Variants in LMNB2 observed in about 807,000 individuals in gnomAD.
LMNB2 encodes lamin B2.
LMNB2 carries 17 observed loss-of-function variants against 69.3 expected under a neutral mutation model. The observed-to-expected ratio is 0.25, with a 90% CI of 0.17 to 0.37. The LOEUF is 0.37. Among genes scored for constraint, LMNB2 ranks in the 10% least tolerant of loss-of-function variants. The pLI is 1.00. For missense variants in LMNB2, 789 were observed against 883.6 expected (o/e 0.89, Z 1.36); for synonymous variants, 397 against 389.3 (o/e 1.02, Z -0.23).
Position 2,430,380 on chromosome 19 carries a change from G to A in LMNB2, c.*531C>T. Reference sequence around the variant, plus strand: ...GCCCTGGGGGCCACGCCATCCCCATGCTGGCCCACACCCGCTGCGTGGCTG... The same window carrying A: ...GCCCTGGGGGCCACGCCATCCCCATACTGGCCCACACCCGCTGCGTGGCTG... On this transcript the variant is annotated 3_prime_UTR_variant, in exon 12 of 12. Coordinates refer to ENST00000325327, the MANE Select transcript of LMNB2 (RefSeq NM_032737.4). 5.3e-6 allele frequency: 1 copy of A among 186,926 alleles called. No homozygotes were observed. The highest frequency in any genetic ancestry group is 1.0e-4 in the South Asian group (1 of 9,998). The allele number at this position is 186,926 out of a possible 1,614,324, so 11.6% of individuals were successfully genotyped here.
intron 2 of LMNB2, among the ~76,000 whole-genome samples, chr19:2,440,480 G>A (rs895693280): frequency 3.3e-5 from 5 of 152,118 alleles, no homozygotes; most frequent in Admixed American, 6.6e-5. Flanking sequence ...ATGAGCCACC[G>A]CACCCAGCCT....
chr19:2,438,058 A>T, intron 4 of LMNB2, 105 bp downstream of exon 4: 1 of 1,551,812 alleles, frequency 6.4e-7, no homozygotes, highest in Non-Finnish European at 8.8e-7. Flanking sequence ...GAGCCGTGGG[A>T]GGGACCCCGG....
intron 1 of LMNB2, among the ~76,000 whole-genome samples, chr19:2,456,377 T>G (rs1972088910): frequency 6.7e-6 from 1 of 149,364 alleles, no homozygotes; most frequent in Non-Finnish European, 1.5e-5. Flanking sequence ...GGGCGGGGCC[T>G]GGCCGAACTG....
chr19:2,456,214 G>C (rs1269040907), intron 1 of LMNB2, among the ~76,000 whole-genome samples: 1 of 150,226 alleles, frequency 6.7e-6, no homozygotes, highest in Non-Finnish European at 1.5e-5. Context: ...CCCAGCTCAG[G>C]GTTCCCCGCG....
rs1163370560 is a variant in LMNB2, at chr19:2,446,284, G to A, written c.265-1744C>T. 7.9e-5 allele frequency among the ~76,000 whole-genome samples: 12 copies of A among 151,530 alleles called. 1 individual carries two copies. The highest frequency in any genetic ancestry group is 2.9e-5 in the Non-Finnish European group (2 of 67,896). On this transcript the variant is annotated intron_variant, in intron 1 of 11. Coordinates refer to ENST00000325327, the MANE Select transcript of LMNB2 (RefSeq NM_032737.4). ...CAAGGACATGGGGAGGGGCTGGAGA[G>A]CCAGGGGTCACCAGGGCAGGCAGAA...
Position 2,429,602 on chromosome 19 carries a change from G to A in LMNB2, c.*1309C>T, listed in dbSNP as rs573841374. The A allele has an allele frequency of 6.6e-6, 1 of 152,372 alleles. No homozygotes were observed. The highest frequency in any genetic ancestry group is 2.1e-4 in the South Asian group (1 of 4,822). 9.4% of individuals were successfully genotyped at this position (152,372 alleles called of 1,614,324 possible). A position where few individuals can be genotyped will look rare whatever the true frequency, so the allele number is the denominator to read the frequency against. Reference sequence around the variant, plus strand: ...CCTGCAGTGAACGCCATGGCCCGGAGACGGCGCGTGCCCATGGCTCAGTTT... The same window carrying A: ...CCTGCAGTGAACGCCATGGCCCGGAAACGGCGCGTGCCCATGGCTCAGTTT... On this transcript the variant is annotated 3_prime_UTR_variant, in exon 12 of 12. Coordinates refer to ENST00000325327, the MANE Select transcript of LMNB2 (RefSeq NM_032737.4).
At chr19:2,431,455 G>C (rs1013120716) in intron 11 of LMNB2, 93 bp downstream of exon 11, 4 of 1,546,646 alleles carry the variant, frequency 2.6e-6, no homozygotes, top group Non-Finnish European at 2.7e-6. Context: ...GCTCCCGTCG[G>C]GGATGCGGCC....
Position 2,430,879 on chromosome 19 carries a change from TA to T in LMNB2, c.*31del. 7.0e-7 allele frequency: 1 copy of T among 1,419,196 alleles called. No individual in the cohort carries two copies. The highest frequency in any genetic ancestry group is 1.0e-6 in the Non-Finnish European group (1 of 1,002,208). The allele number at this position is 1,419,196 out of a possible 1,614,324, so 87.9% of individuals were successfully genotyped here. A position where few individuals can be genotyped will look rare whatever the true frequency, so the allele number is the denominator to read the frequency against. The stretch of plus-strand genomic sequence containing the variant: ...AAAAATAGTTTTCAGTGGCTCTGGG[TA>T]AAGAAAGGTGTGTGGATGAGGAGTG... On this transcript the variant is annotated 3_prime_UTR_variant, in exon 12 of 12. Transcript: ENST00000325327.
intron 2 of LMNB2, 125 bp from the exon 3 acceptor site, chr19:2,438,656 C>T (rs1248684241): frequency 2.7e-5 from 32 of 1,205,616 alleles, no homozygotes; most frequent in East Asian, 7.5e-5. Flanking sequence ...CAGACCTTCC[C>T]GTCCTGCAGA....
Position 2,431,514 on chromosome 19 carries a change from GC to G in LMNB2, c.1821+33del, listed in dbSNP as rs771449718. ...ACGAGCTCACTCTGCCCCAGAGGCT[GC>G]CCCCCAGCCGCAAGTGGGCACAGGG... is the stretch of plus-strand genomic sequence containing the variant. On this transcript the variant is annotated intron_variant, in intron 11 of 11. Coordinates refer to ENST00000325327, the MANE Select transcript of LMNB2 (RefSeq NM_032737.4). The G allele has an allele frequency of 6.2e-6, 10 of 1,613,254 alleles. No homozygotes were observed. In the African/African-American group the frequency reaches 1.2e-4, roughly 19 times the overall value.
In LMNB2 at chr19:2,433,873, TCTC is replaced by T. The variant is rs775270360; in HGVS notation, c.1432_1434del (p.Glu478del). On this transcript the variant is annotated inframe_deletion, in exon 8 of 12. Coordinates refer to ENST00000325327, the MANE Select transcript of LMNB2 (RefSeq NM_032737.4). ...TGCACAAACTTGCCCTCCAGGTCGA[TCTC>T]CTCGATGCTGACGCTACCCGAGGCC... is the stretch of plus-strand genomic sequence containing the variant. 3 of 1,613,366 alleles carry T rather than the reference TCTC, an allele frequency of 1.9e-6. No individual in the cohort carries two copies. The highest frequency in any genetic ancestry group is 2.5e-6 in the Non-Finnish European group (3 of 1,179,892).
At position 2,447,521 on chromosome 19, in the gene LMNB2, A is replaced by C. The variant is rs1971969794; in HGVS notation, c.265-2981T>G. 6.6e-6 allele frequency among the ~76,000 whole-genome samples: 1 copy of C among 152,120 alleles called. No homozygotes were observed. Among genetic ancestry groups the C allele is most frequent in the African/African-American group, 2.4e-5 (1 of 41,438 alleles). On this transcript the variant is annotated intron_variant, in intron 1 of 11. Coordinates refer to ENST00000325327, the MANE Select transcript of LMNB2 (RefSeq NM_032737.4). This position sits in a 1 kb window ranked among gnomAD's most constrained non-coding sequence, Gnocchi z 4.4. ...GTGGCACAGCTGTGGAGATATGAAA[A>C]CGCGAAACCTACGGGTGAGCTGGGT...
chr19:2,429,154 G>C lies in LMNB2; in HGVS notation c.*1757C>G, dbSNP rs1480662009. On this transcript the variant is annotated 3_prime_UTR_variant, in exon 12 of 12. Transcript: ENST00000325327. Reference sequence around the variant, plus strand: ...CCACTGCAGACTCCCCATAGGACAAGATCACCAAGACCCACCCCCAGAACC... The same window carrying C: ...CCACTGCAGACTCCCCATAGGACAACATCACCAAGACCCACCCCCAGAACC... 1 of 152,284 alleles carries C rather than the reference G, an allele frequency of 6.6e-6. No individual in the cohort carries two copies. Among genetic ancestry groups the C allele is most frequent in the African/African-American group, 2.4e-5 (1 of 41,440 alleles). 9.4% of individuals were successfully genotyped at this position (152,284 alleles called of 1,614,324 possible).
Position 2,431,567 on chromosome 19 carries a change from T to C in LMNB2, c.1802A>G (p.Glu601Gly), listed in dbSNP as rs1361177423. 1.9e-6 allele frequency: 3 copies of C among 1,614,106 alleles called. No homozygotes were observed. Among genetic ancestry groups the C allele is most frequent in the Non-Finnish European group, 2.5e-6 (3 of 1,179,962 alleles). The change falls in exon 11 of 12, where the codon GAG becomes GGG. Residue 601 changes from glutamate to glycine, a missense_variant. Physicochemically the swap from Glu to Gly is moderately conservative, Grantham distance 98 (BLOSUM62 -2). This residue lies in a region of LMNB2 where 609 missense variants were observed against 630.9 expected (regional missense o/e 0.97). Coordinates refer to ENST00000325327, the MANE Select transcript of LMNB2 (RefSeq NM_032737.4). ...TCCTACCTGTTGGTGGAAAAGATCC[T>C]CCTCGCCAAACTCGGCTTCCTCCTC... ...EEEEEAEFGEEDLFHQQGDPR... is the reference protein window; with the variant it reads ...EEEEEAEFGEGDLFHQQGDPR...
In LMNB2 at chr19:2,431,866, G is replaced by C; in HGVS notation, c.1627C>G (p.Pro543Ala). 3.7e-6 allele frequency: 6 copies of C among 1,613,040 alleles called. No individual in the cohort carries two copies. The South Asian group carries it at 5.5e-5, about 15-fold the overall frequency. The change falls in exon 10 of 12, where the codon CCC becomes GCC. Residue 543 changes from proline (P) to alanine (A), a missense_variant. Pro to Ala is a conservative substitution (Grantham distance 27). Transcript: ENST00000325327. ...TGGCCCTTCCACACCAGCGTCGAGGGGGGGCTGTGGGCCACCCCCGCACCA... is the reference window on the plus strand; with the variant it reads ...TGGCCCTTCCACACCAGCGTCGAGGCGGGGCTGTGGGCCACCCCCGCACCA... ...AAGAGVAHSPPSTLVWKGQSS... is the reference protein window; with the variant it reads ...AAGAGVAHSPASTLVWKGQSS...
Position 2,456,955 on chromosome 19 carries a change from A to G in LMNB2, c.-22T>C. 3.0e-6 allele frequency: 3 copies of G among 984,342 alleles called. No homozygotes were observed. The highest frequency in any genetic ancestry group is 3.6e-6 in the Non-Finnish European group (3 of 830,542). The allele number at this position is 984,342 out of a possible 1,614,324, so 61.0% of individuals were successfully genotyped here. On this transcript the variant is annotated 5_prime_UTR_variant, in exon 1 of 12. Transcript: ENST00000325327. ...TCATTCAATCCGCGCCGCCGGCTGCAAGATGGCGCCGCGCCGCGCCGCGCC... is the reference window on the plus strand; with the variant it reads ...TCATTCAATCCGCGCCGCCGGCTGCGAGATGGCGCCGCGCCGCGCCGCGCC...
At chr19:2,446,504 C>A (rs1007891552) in intron 1 of LMNB2, among the ~76,000 whole-genome samples, 4 of 152,224 alleles carry the variant, frequency 2.6e-5, no homozygotes, top group Non-Finnish European at 5.9e-5. Context: ...TCTGCACGCG[C>A]CAGCTGGGGG....
At chr19:2,438,756 C>T (rs900419990) in intron 2 of LMNB2, among the ~76,000 whole-genome samples, 17 of 152,212 alleles carry the variant, frequency 1.1e-4, no homozygotes, top group East Asian at 1.9e-4. Flanking sequence ...CAGGCACCAG[C>T]GCTTGGGACC....
chr19:2,431,675 A>G lies in LMNB2; in HGVS notation c.1711-17T>C. 6.2e-7 allele frequency: 1 copy of G among 1,614,020 alleles called. No individual in the cohort carries two copies. The highest frequency in any genetic ancestry group is 2.2e-5 in the East Asian group (1 of 44,884). On this transcript the variant is annotated splice_polypyrimidine_tract_variant and intron_variant, in intron 10 of 11. Transcript: ENST00000325327. The stretch of plus-strand genomic sequence containing the variant: ...GGCCACTTCCTGTGCGGGACAGGAC[A>G]CGGCGGCATGTCCCGGGATCGGGCC...
Sources: allele counts gnomAD v4.1 joint callset (sites outside exome capture counted in the v4.1 genomes callset), GRCh38; gene constraint gnomAD v4.1.1; regional missense constraint gnomAD v4.1.1; non-coding constraint Gnocchi (gnomAD v3.1); transcripts MANE v1.5; gene names NCBI Gene and HGNC (gene_info 2026-07-23, HGNC 2026-07-21).